Variants in DOCK9 observed in about 807,000 individuals in gnomAD.
DOCK9 encodes the protein dedicator of cytokinesis 9.
In DOCK9, 89 loss-of-function variants were observed where a neutral mutation model predicts 263.3. That is an observed-to-expected ratio of 0.34 (90% confidence interval 0.28 to 0.40). DOCK9 has a LOEUF of 0.40. Among genes scored for constraint, DOCK9 ranks in the 10% least tolerant of loss-of-function variants. The pLI, the probability that DOCK9 is intolerant of heterozygous loss-of-function variation, is 1.00. For synonymous variants in DOCK9, 976 were observed against 973.1 expected (o/e 1.00, Z -0.06); for missense variants, 2,140 against 2,603.4 (o/e 0.82, Z 3.87).
At chr13:98,973,249 A>G (rs978385941) in intron 1 of DOCK9, among the ~76,000 whole-genome samples, 4 of 152,234 alleles carry the variant, frequency 2.6e-5, no homozygotes, top group African/African-American at 9.6e-5. Flanking sequence ...ACAGTCACCT[A>G]AAGTCTAATT....
At chr13:98,842,774 C>T (rs2093267145) in intron 38 of DOCK9, among the ~76,000 whole-genome samples, 1 of 152,184 alleles carries the variant, frequency 6.6e-6, no homozygotes, top group African/African-American at 2.4e-5. Context: ...GCACAAATTA[C>T]ACTAAATATG....
chr13:98,885,861 T>C, intron 19 of DOCK9, 30 bp from the exon 20 acceptor site: 2 of 1,581,848 alleles, frequency 1.3e-6, no homozygotes, highest in Non-Finnish European at 8.6e-7. Flanking sequence ...AACAACAAAA[T>C]ATTCTAAAAA....
intron 1 of DOCK9, among the ~76,000 whole-genome samples, chr13:99,046,235 G>T (rs976054720): frequency 1.3e-5 from 2 of 152,204 alleles, no homozygotes; most frequent in Non-Finnish European, 2.9e-5. Flanking sequence ...AGAACAAGCC[G>T]AGCGACCTCC....
chr13:98,910,277 CGGTTT>C (rs1323846653), intron 9 of DOCK9, among the ~76,000 whole-genome samples: 1 of 152,170 alleles, frequency 6.6e-6, no homozygotes, highest in Non-Finnish European at 1.5e-5. Context: ...ACTTGAACTA[CGGTTT>C]GTGTATCAAA....
intron 27 of DOCK9, among the ~76,000 whole-genome samples, chr13:98,873,898 C>G (rs1169101710): frequency 1.3e-5 from 2 of 152,354 alleles, no homozygotes; most frequent in African/African-American, 2.4e-5. Context: ...ACCAAGCCCT[C>G]TACTCTACTG....
At position 98,797,129 on chromosome 13, in the gene DOCK9, T is replaced by A. The variant is rs2089519371; in HGVS notation, c.6142A>T (p.Ile2048Phe). The change falls in exon 52 of 53, where the codon ATC becomes TTC. Residue 2048 changes from isoleucine to phenylalanine, a missense_variant. Coordinates refer to ENST00000682017, the MANE Select transcript of DOCK9 (RefSeq NM_001366683.2). ...GCGGCCCTCACCTGCTCATGCATGATTTCAGAAAGCTCCTTCGCCATTTCC... is the reference window on the plus strand; with the variant it reads ...GCGGCCCTCACCTGCTCATGCATGAATTCAGAAAGCTCCTTCGCCATTTCC... The part of the protein sequence containing the change: ...YREMAKELSE[I>F]MHEQICPLEE... The A allele has an allele frequency of 6.2e-7, 1 of 1,613,882 alleles. No individual in the cohort carries two copies. Among genetic ancestry groups the A allele is most frequent in the Admixed American group, 1.7e-5 (1 of 59,994 alleles).
chr13:99,053,572 T>A (rs992350350), intron 1 of DOCK9, among the ~76,000 whole-genome samples: 1 of 152,218 alleles, frequency 6.6e-6, no homozygotes, highest in Non-Finnish European at 1.5e-5. Flanking sequence ...TTAAAGCCAA[T>A]GGTAAGAACT....
chr13:99,057,368 T>C (rs777044577), intron 1 of DOCK9, among the ~76,000 whole-genome samples: 23 of 152,178 alleles, frequency 1.5e-4, no homozygotes, highest in Admixed American at 3.9e-4. Flanking sequence ...AGGTAACCAC[T>C]GAATAGGGGG....
At chr13:99,015,226 T>G (rs578245725) in intron 1 of DOCK9, among the ~76,000 whole-genome samples, 1 of 152,362 alleles carries the variant, frequency 6.6e-6, no homozygotes, top group South Asian at 2.1e-4. Flanking sequence ...TAAAATATCT[T>G]ATTCCTTTCT....
Position 98,794,667 on chromosome 13 carries a change from T to G in DOCK9, c.6238A>C (p.Thr2080Pro), listed in dbSNP as rs755655293. The G allele has an allele frequency of 1.2e-6, 2 of 1,613,488 alleles. No homozygotes were observed. Among genetic ancestry groups the G allele is most frequent in the Admixed American group, 1.7e-5 (1 of 59,980 alleles). The change falls in exon 53 of 53, where the codon ACA (threonine) becomes CCA (proline). Residue 2080 changes from threonine (T) to proline (P), a missense_variant. Coordinates refer to ENST00000682017, the MANE Select transcript of DOCK9 (RefSeq NM_001366683.2). Reference protein sequence around the residue: ...FNAISGTPTSTMVHGMTSSSS... With the variant: ...FNAISGTPTSPMVHGMTSSSS... ...GAGCTGGTCATCCCGTGAACCATTG[T>G]GCTTGTTGGAGTCCCACTGATGGCG...
intron 26 of DOCK9, 149 bp downstream of exon 26, chr13:98,880,398 T>C (rs2044549074): frequency 1.0e-6 from 1 of 968,372 alleles, no homozygotes; most frequent in Admixed American, 2.5e-5. Context: ...CAAGACACAA[T>C]TAGAAAAGTT....
At chr13:99,004,048 G>A (rs953047293) in intron 1 of DOCK9, among the ~76,000 whole-genome samples, 1 of 152,098 alleles carries the variant, frequency 6.6e-6, no homozygotes, top group Non-Finnish European at 1.5e-5. Flanking sequence ...GTTCCAAGGA[G>A]CCCTCAGCTC....
At chr13:98,926,758 CTAT>C (rs1404610265) in intron 3 of DOCK9, among the ~76,000 whole-genome samples, 1 of 152,206 alleles carries the variant, frequency 6.6e-6, no homozygotes, top group Non-Finnish European at 1.5e-5. Flanking sequence ...CAGCACTTGA[CTAT>C]TTATGTGCAG....
At chr13:98,809,585 A>G (rs758759086) in intron 46 of DOCK9, 120 bp from the exon 47 acceptor site, 29 of 786,920 alleles carry the variant, frequency 3.7e-5, no homozygotes, top group South Asian at 5.8e-5. Flanking sequence ...ACACACACAC[A>G]CATTTTGGCT....
chr13:98,885,152 A>T, intron 20 of DOCK9, 60 bp from the exon 21 acceptor site: 1 of 1,586,900 alleles, frequency 6.3e-7, no homozygotes, highest in Non-Finnish European at 8.6e-7. Context: ...AAAACTTATG[A>T]AAGCAAGCCA....
chr13:99,082,460 A>T (rs2042160839), intron 1 of DOCK9, among the ~76,000 whole-genome samples: 3 of 152,052 alleles, frequency 2.0e-5, no homozygotes. Context: ...CGGAGGTTGC[A>T]GTGAGCCAAG....
intron 1 of DOCK9, among the ~76,000 whole-genome samples, chr13:99,076,949 T>C (rs1378864877): frequency 6.6e-6 from 1 of 152,006 alleles, no homozygotes; most frequent in Non-Finnish European, 1.5e-5. Context: ...GACATGCGAG[T>C]ACAGTTTCAA....
intron 1 of DOCK9, among the ~76,000 whole-genome samples, chr13:99,032,411 G>A (rs1887440943): frequency 6.6e-6 from 1 of 151,800 alleles, no homozygotes; most frequent in Non-Finnish European, 1.5e-5. Flanking sequence ...AGTAGGTGGA[G>A]GCTGCAGTGA....
intron 1 of DOCK9, chr13:99,086,104 G>T (rs1596073975): frequency 2.3e-6 from 3 of 1,326,648 alleles, no homozygotes; most frequent in Admixed American, 3.9e-5. Flanking sequence ...TGATTCCGCG[G>T]ACCCAGCAGG....
Sources: gnomAD v4.1 joint callset for allele counts (sites outside exome capture counted in the v4.1 genomes callset) on GRCh38, gnomAD v4.1.1 for gene constraint, MANE v1.5 for transcripts, NCBI Gene and HGNC (gene_info 2026-07-23, HGNC 2026-07-21) for gene names.